The following ASCC1 variants were observed in gnomAD, a reference collection of about 807,000 sequenced individuals.
ASCC1 encodes activating signal cointegrator 1 complex subunit 1, also known as ASC-1 complex subunit P50.
A neutral mutation model predicts 46.6 loss-of-function variants in ASCC1; 35 were observed. The observed-to-expected ratio is 0.75, with a 90% CI of 0.57 to 0.99. The LOEUF (loss-of-function observed/expected upper bound fraction) is 0.99. Ranked by LOEUF, ASCC1 falls within the 50% of genes least tolerant of loss-of-function variation. ASCC1 has a pLI of 0.00. For synonymous variants in ASCC1, 143 were observed against 146.6 expected, an observed-to-expected ratio of 0.98 and a Z score of 0.18; for missense variants, 376 against 428.7, an observed-to-expected ratio of 0.88 and a Z score of 1.09.
At chr10:72,206,748 G>A (rs11818427) in intron 3 of ASCC1, among the ~76,000 whole-genome samples, 219 of 152,240 alleles carry the variant, frequency 1.4e-3, no homozygotes, top group Non-Finnish European at 2.0e-3. Context: ...TCCCTGACCC[G>A]TTTATGGAAC....
chr10:72,113,120 T>C (rs1589201238), intron 9 of ASCC1, among the ~76,000 whole-genome samples: 3 of 152,344 alleles, frequency 2.0e-5, no homozygotes, highest in Admixed American at 2.0e-4. Flanking sequence ...AGCAAGCATG[T>C]AGCTTAGTGT....
intron 8 of ASCC1, among the ~76,000 whole-genome samples, chr10:72,129,949 C>G (rs1404727604): frequency 1.4e-5 from 2 of 138,208 alleles, no homozygotes; most frequent in Non-Finnish European, 3.0e-5. Context: ...CTACTACACT[C>G]CAGCCTGGGC....
At chr10:72,193,731 G>A (rs1854915741) in intron 5 of ASCC1, among the ~76,000 whole-genome samples, 1 of 151,936 alleles carries the variant, frequency 6.6e-6, no homozygotes, top group Non-Finnish European at 1.5e-5. Context: ...ATTCTTCAGA[G>A]GATAATTGGC....
chr10:72,112,203 C>T (rs1185647588), intron 9 of ASCC1, among the ~76,000 whole-genome samples: 1 of 152,160 alleles, frequency 6.6e-6, no homozygotes, highest in African/African-American at 2.4e-5. Flanking sequence ...GCTAAAAACA[C>T]ACAATGCAGA....
chr10:72,207,189 A>G (rs961656594), intron 3 of ASCC1, among the ~76,000 whole-genome samples: 1 of 152,222 alleles, frequency 6.6e-6, no homozygotes, highest in South Asian at 2.1e-4. Flanking sequence ...AGGCAGGCAG[A>G]TCACCTGAGG....
At chr10:72,139,066 G>A (rs542933573) in intron 7 of ASCC1, among the ~76,000 whole-genome samples, 14 of 150,488 alleles carry the variant, frequency 9.3e-5, no homozygotes, top group African/African-American at 2.4e-4. Flanking sequence ...GGACATAATC[G>A]TTAAATTTCA....
In ASCC1 at chr10:72,096,195, G is replaced by A; in HGVS notation, c.*1139C>T. 2.2e-6 allele frequency: 1 copy of A among 454,116 alleles called. No homozygotes were observed. Among genetic ancestry groups the A allele is most frequent in the Non-Finnish European group, 4.4e-6 (1 of 226,802 alleles). The allele number at this position is 454,116 out of a possible 1,614,324, so 28.1% of individuals were successfully genotyped here. ...AGGCAAGAATAAGGAAGGAGAAGAA[G>A]GAGAGGACATGGAGGGAGGAAGAAT... On this transcript the variant is annotated 3_prime_UTR_variant, in exon 10 of 10. Coordinates refer to ENST00000672957, the MANE Select transcript of ASCC1 (RefSeq NM_001198800.3).
At chr10:72,213,461 T>G (rs1272739918) in intron 1 of ASCC1, 130 bp from the exon 2 acceptor site, 2 of 643,440 alleles carry the variant, frequency 3.1e-6, no homozygotes, top group Non-Finnish European at 5.7e-6. Flanking sequence ...GCAGCACCAT[T>G]TCCCATTGGA....
chr10:72,121,802 G>A (rs1844242459), intron 9 of ASCC1, among the ~76,000 whole-genome samples: 1 of 152,182 alleles, frequency 6.6e-6, no homozygotes, highest in African/African-American at 2.4e-5. Flanking sequence ...TATAGTTGGA[G>A]ACTTTAACTA....
chr10:72,157,580 G>C (rs1001929810), intron 6 of ASCC1, among the ~76,000 whole-genome samples: 5 of 152,126 alleles, frequency 3.3e-5, no homozygotes. Context: ...TCATCATTCA[G>C]CATTCTTTAT....
intron 7 of ASCC1, among the ~76,000 whole-genome samples, chr10:72,146,542 G>C (rs1847650101): frequency 6.6e-6 from 1 of 152,142 alleles, no homozygotes; most frequent in Non-Finnish European, 1.5e-5. Context: ...CCATTCTTTT[G>C]AGAGGGACAA....
intron 9 of ASCC1, among the ~76,000 whole-genome samples, chr10:72,127,702 A>T (rs1159917486): frequency 7.5e-6 from 1 of 134,176 alleles, no homozygotes. Flanking sequence ...TTATATCACC[A>T]ATTTCAGGCA....
Position 72,193,473 on chromosome 10 carries a change from CACACA to C in ASCC1, c.489+3333_489+3337del, listed in dbSNP as rs1564733049. 2.0e-5 allele frequency among the ~76,000 whole-genome samples: 3 copies of C among 149,468 alleles called. No homozygotes were observed. The East Asian group carries it at 5.9e-4, about 29-fold the overall frequency. ...ACACACACACACACACACACACACA[CACACA>C]CCACACACACACATGATAAAACTAC... On this transcript the variant is annotated intron_variant, in intron 5 of 9. Transcript: ENST00000672957.
At chr10:72,201,288 C>T (rs1856450512) in intron 4 of ASCC1, among the ~76,000 whole-genome samples, 1 of 152,152 alleles carries the variant, frequency 6.6e-6, no homozygotes, top group Non-Finnish European at 1.5e-5. Context: ...GCTGGAAGTA[C>T]AGGTATATGC....
intron 9 of ASCC1, among the ~76,000 whole-genome samples, chr10:72,118,961 T>C (rs1259167101): frequency 1.3e-5 from 2 of 152,162 alleles, no homozygotes; most frequent in African/African-American, 4.8e-5. Flanking sequence ...GACTGAAACC[T>C]TGACAACTCT....
At chr10:72,178,125 T>C (rs953960770) in intron 5 of ASCC1, among the ~76,000 whole-genome samples, 7 of 152,192 alleles carry the variant, frequency 4.6e-5, no homozygotes, top group African/African-American at 1.7e-4. Flanking sequence ...GAAAGAATTA[T>C]GTTCAAGGAA....
At chr10:72,204,635 T>A (rs1464867448) in intron 3 of ASCC1, 2 of 1,215,380 alleles carry the variant, frequency 1.6e-6, no homozygotes, top group African/African-American at 3.1e-5. Context: ...AGTACCCAAT[T>A]CTACGGATGA....
chr10:72,111,500 C>T (rs1842916636), intron 9 of ASCC1, among the ~76,000 whole-genome samples: 1 of 152,030 alleles, frequency 6.6e-6, no homozygotes, highest in South Asian at 2.1e-4. Context: ...AAAAAAAATT[C>T]AAAGTTTTAA....
chr10:72,182,767 G>A (rs1167231142), intron 5 of ASCC1, among the ~76,000 whole-genome samples: 4 of 151,078 alleles, frequency 2.6e-5, no homozygotes, highest in African/African-American at 4.9e-5. Flanking sequence ...CTTGAGGCCA[G>A]GAGCTTGAGA....
Sources: gnomAD v4.1 joint callset for allele counts (sites outside exome capture counted in the v4.1 genomes callset) on GRCh38, gnomAD v4.1.1 for gene constraint, MANE v1.5 for transcripts, NCBI Gene and HGNC (gene_info 2026-07-23, HGNC 2026-07-21) for gene names.